The following KCNMA1 variants were observed in gnomAD, a reference collection of about 807,000 sequenced individuals.
KCNMA1 encodes the protein potassium calcium-activated channel subfamily M alpha 1.
Under a neutral mutation model 140.0 loss-of-function variants are expected in KCNMA1, and 29 were observed. That is an observed-to-expected ratio of 0.21 (90% CI 0.15 to 0.28). The LOEUF is 0.28. Among genes scored for constraint, KCNMA1 ranks in the 10% least tolerant of loss-of-function variants. The pLI is 1.00. For missense variants in KCNMA1, 880 were observed against 1,602.2 expected (o/e 0.55, Z 7.70); for synonymous variants, 612 against 611.9 (o/e 1.00, Z 0.00).
chr10:77,177,705 G>A (rs1174379774), intron 5 of KCNMA1, among the ~76,000 whole-genome samples: 1 of 151,982 alleles, frequency 6.6e-6, no homozygotes, highest in Non-Finnish European at 1.5e-5. Flanking sequence ...CATCATTGCA[G>A]CCTCCACTGA....
At chr10:76,945,235 G>C (rs1000711822) in intron 22 of KCNMA1, among the ~76,000 whole-genome samples, 3 of 152,116 alleles carry the variant, frequency 2.0e-5, no homozygotes, top group African/African-American at 7.2e-5. Flanking sequence ...ACTCAATCAA[G>C]CTATTACTAA....
At chr10:77,004,501 G>A (rs778454984) in intron 18 of KCNMA1, among the ~76,000 whole-genome samples, 2 of 152,052 alleles carry the variant, frequency 1.3e-5, no homozygotes, top group Admixed American at 1.3e-4. Context: ...CTGGTGGAGC[G>A]ATTCATCAGG....
At chr10:77,567,489 C>G (rs2068791396) in intron 1 of KCNMA1, among the ~76,000 whole-genome samples, 1 of 152,168 alleles carries the variant, frequency 6.6e-6, no homozygotes, top group South Asian at 2.1e-4. Flanking sequence ...GAACACAGTC[C>G]CTTTGTTCAT....
chr10:77,637,123 C>G (rs2093834802), intron 1 of KCNMA1, 142 bp downstream of exon 1: 2 of 1,267,274 alleles, frequency 1.6e-6, no homozygotes, highest in Non-Finnish European at 2.1e-6. Context: ...CCGGGAGAGC[C>G]GAGGGAAGGG....
At chr10:77,044,183 A>G (rs950213444) in intron 14 of KCNMA1, among the ~76,000 whole-genome samples, 16 of 152,314 alleles carry the variant, frequency 1.1e-4, no homozygotes, top group African/African-American at 3.8e-4. Flanking sequence ...ATAGTGCATC[A>G]CAAACTCAGC....
chr10:77,431,681 T>TAAAAAAAA lies in KCNMA1; in HGVS notation c.379-27666_379-27659dup, dbSNP rs71028276. 8.0e-5 allele frequency among the ~76,000 whole-genome samples: 6 copies of TAAAAAAAA among 75,452 alleles called. 1 individual carries two copies. Among genetic ancestry groups the TAAAAAAAA allele is most frequent in the African/African-American group, 2.9e-4 (6 of 20,688 alleles). The allele number at this position is 75,452 out of a possible 152,430, so 49.5% of individuals were successfully genotyped here. On this transcript the variant is annotated intron_variant, in intron 1 of 27. Transcript: ENST00000286628. ...CATGCCCCTGAAGTCTGGTCTGTTGTAAAAAAAAAAAAAAAAAAAAAAAAA... is the reference window on the plus strand; with the variant it reads ...CATGCCCCTGAAGTCTGGTCTGTTGTAAAAAAAAAAAAAAAAAAAAAAAAAAAAAAAAA...
intron 1 of KCNMA1, among the ~76,000 whole-genome samples, chr10:77,534,207 T>C (rs1425510732): frequency 6.6e-6 from 1 of 152,236 alleles, no homozygotes; most frequent in Non-Finnish European, 1.5e-5. Flanking sequence ...TATTGCTATG[T>C]TATTTATAAT....
intron 1 of KCNMA1, among the ~76,000 whole-genome samples, chr10:77,512,586 T>C (rs970527996): frequency 4.6e-5 from 7 of 152,208 alleles, no homozygotes; most frequent in Admixed American, 2.6e-4. Context: ...CCCCTAAAGA[T>C]AAGGGCATCT....
intron 19 of KCNMA1, chr10:76,974,409 G>T: frequency 1.2e-6 from 1 of 862,254 alleles, no homozygotes; most frequent in African/African-American, 1.7e-5. Flanking sequence ...CTTCAACTGA[G>T]CTCAGCATGG....
chr10:77,488,110 C>T (rs1396135696), intron 1 of KCNMA1, among the ~76,000 whole-genome samples: 1 of 152,214 alleles, frequency 6.6e-6, no homozygotes, highest in Non-Finnish European at 1.5e-5. Context: ...CAGCCCTGGT[C>T]ATTAGGTGGC....
intron 2 of KCNMA1, among the ~76,000 whole-genome samples, chr10:77,348,207 T>A (rs1040117830): frequency 6.6e-6 from 1 of 152,222 alleles, no homozygotes; most frequent in Non-Finnish European, 1.5e-5. Context: ...AGATAGAGTA[T>A]GCAGCCTTTC....
intron 2 of KCNMA1, among the ~76,000 whole-genome samples, chr10:77,286,356 G>A (rs2070823869): frequency 6.6e-6 from 1 of 152,164 alleles, no homozygotes; most frequent in African/African-American, 2.4e-5. Context: ...AGACCTGGTA[G>A]AACCTAGGGA....
chr10:77,043,878 T>C (rs1594613286), intron 14 of KCNMA1, among the ~76,000 whole-genome samples: 1 of 152,164 alleles, frequency 6.6e-6, no homozygotes, highest in East Asian at 1.9e-4. Flanking sequence ...TGAGACAGTG[T>C]CCGTTTTGCA....
chr10:77,075,761 G>A (rs1334186813), intron 13 of KCNMA1, among the ~76,000 whole-genome samples: 1 of 152,200 alleles, frequency 6.6e-6, no homozygotes, highest in African/African-American at 2.4e-5. Flanking sequence ...CCTGCTGAAT[G>A]CTTGGAGGGA....
intron 3 of KCNMA1, among the ~76,000 whole-genome samples, chr10:77,229,325 G>T (rs1599354770): frequency 9.4e-6 from 1 of 106,808 alleles, no homozygotes; most frequent in African/African-American, 3.9e-5. Context: ...ATTTTGCAGA[G>T]AAGCCCATGG....
At chr10:77,258,607 A>G (rs2061323691) in intron 2 of KCNMA1, among the ~76,000 whole-genome samples, 1 of 152,142 alleles carries the variant, frequency 6.6e-6, no homozygotes, top group Non-Finnish European at 1.5e-5. Flanking sequence ...TTTTCTCTTT[A>G]CTGTTTAGCA....
intron 5 of KCNMA1, among the ~76,000 whole-genome samples, chr10:77,135,018 A>AAAAAAAAAAAAG (rs2097967826): frequency 6.9e-6 from 1 of 144,366 alleles, no homozygotes; most frequent in Non-Finnish European, 1.5e-5. Context: ...AAAAAAAAAA[A>AAAAAAAAAAAAG]AAAAAAAAAA....
chr10:76,969,635 T>C (rs11001950), intron 20 of KCNMA1, among the ~76,000 whole-genome samples: 121,352 of 152,156 alleles, frequency 0.8, 48,681 homozygotes, highest in African/African-American at 0.89. Context: ...CACACGAGTT[T>C]CTCTGATTGG....
At chr10:77,387,606 T>C (rs1049931950) in intron 2 of KCNMA1, among the ~76,000 whole-genome samples, 13 of 138,894 alleles carry the variant, frequency 9.4e-5, no homozygotes, top group Non-Finnish European at 1.6e-4. Context: ...TCTTTTCTTT[T>C]CTTTCTTTTC....
Sources: gnomAD v4.1 joint callset for allele counts (sites outside exome capture counted in the v4.1 genomes callset) on GRCh38, gnomAD v4.1.1 for gene constraint, MANE v1.5 for transcripts, NCBI Gene and HGNC (gene_info 2026-07-23, HGNC 2026-07-21) for gene names.